The following SLC24A2 variants were observed in gnomAD, a reference collection of about 807,000 sequenced individuals.
SLC24A2 encodes solute carrier family 24 member 2, also known as sodium/potassium/calcium exchanger 2.
In SLC24A2, 36 loss-of-function variants were observed where a neutral mutation model predicts 62.0. That is an observed-to-expected ratio of 0.58 (90% CI 0.44 to 0.77). The LOEUF (loss-of-function observed/expected upper bound fraction) is 0.77. Ranked by LOEUF, SLC24A2 falls within the 30% of genes least tolerant of loss-of-function variation. The pLI, the probability that SLC24A2 is intolerant of heterozygous loss-of-function variation, is 0.00. For missense variants in SLC24A2, 846 were observed against 817.9 expected, an observed-to-expected ratio of 1.03 and a Z score of -0.42; for synonymous variants, 358 against 294.0, an observed-to-expected ratio of 1.22 and a Z score of -2.23.
At chr9:20,158,804 C>T in the SLC24A2 span, among the ~76,000 whole-genome samples, 1 of 151,438 alleles carries the variant, frequency 6.6e-6, no homozygotes, top group Non-Finnish European at 1.5e-5. Flanking sequence ...AGCAGCTGTG[C>T]ATATTTAAAC....
the SLC24A2 span, among the ~76,000 whole-genome samples, chr9:20,073,316 G>A: frequency 6.6e-6 from 1 of 152,144 alleles, no homozygotes; most frequent in Non-Finnish European, 1.5e-5. Context: ...ACCTCTAGAT[G>A]ATCTGTTTAA....
At chr9:20,141,453 A>G in the SLC24A2 span, among the ~76,000 whole-genome samples, 22 of 152,094 alleles carry the variant, frequency 1.4e-4, no homozygotes, top group African/African-American at 5.1e-4. Context: ...CTCTTGAGCT[A>G]CAACTCTCTT....
chr9:19,553,178 G>T (rs1402673923), intron 7 of SLC24A2, among the ~76,000 whole-genome samples: 2 of 152,178 alleles, frequency 1.3e-5, no homozygotes, highest in African/African-American at 4.8e-5. Flanking sequence ...TCAATGGGAG[G>T]CAGTTTGCAA....
the SLC24A2 span, among the ~76,000 whole-genome samples, chr9:20,120,317 A>T: frequency 6.6e-6 from 1 of 152,134 alleles, no homozygotes. Context: ...GATGCCCATA[A>T]ATGGTGGCCT....
the SLC24A2 span, among the ~76,000 whole-genome samples, chr9:20,191,325 G>T: frequency 3.3e-5 from 5 of 151,814 alleles, 1 homozygote; most frequent in African/African-American, 1.2e-4. Flanking sequence ...TATCTCAAAG[G>T]GTTTTGCACA....
chr9:19,919,690 G>C, the SLC24A2 span, among the ~76,000 whole-genome samples: 2 of 152,152 alleles, frequency 1.3e-5, no homozygotes, highest in Non-Finnish European at 2.9e-5. Context: ...GGGCTGGGGA[G>C]GCCTCAGGAA....
intron 2 of SLC24A2, among the ~76,000 whole-genome samples, chr9:19,678,301 C>T (rs1042200385): frequency 5.9e-5 from 9 of 152,224 alleles, no homozygotes; most frequent in African/African-American, 1.9e-4. Flanking sequence ...AGAACCTTCT[C>T]CTACATCTAT....
intron 2 of SLC24A2, among the ~76,000 whole-genome samples, chr9:19,639,507 C>G (rs914937492): frequency 6.6e-6 from 1 of 152,228 alleles, no homozygotes; most frequent in Non-Finnish European, 1.5e-5. Context: ...AGCTGCCCCC[C>G]ACCATGCCAG....
At chr9:19,617,062 G>T (rs1817787074) in intron 4 of SLC24A2, among the ~76,000 whole-genome samples, 2 of 152,128 alleles carry the variant, frequency 1.3e-5, no homozygotes, top group South Asian at 4.1e-4. Flanking sequence ...CGGTCCCCAA[G>T]CTTTTCTACA....
chr9:19,647,068 G>GCACACACACACA (rs142480390), intron 2 of SLC24A2, among the ~76,000 whole-genome samples: 68 of 80,048 alleles, frequency 8.5e-4, no homozygotes, highest in African/African-American at 1.6e-3. Context: ...ACACACGCGC[G>GCACACACACACA]CACACACACA....
the SLC24A2 span, among the ~76,000 whole-genome samples, chr9:19,935,006 G>T: frequency 6.6e-6 from 1 of 152,146 alleles, no homozygotes. Context: ...ATTTCTTTCT[G>T]TGGGGGCCCA....
chr9:20,063,335 C>T, the SLC24A2 span, among the ~76,000 whole-genome samples: 1 of 150,806 alleles, frequency 6.6e-6, no homozygotes, highest in South Asian at 2.1e-4. Context: ...AGTTCATGTC[C>T]TTTGTAGGGA....
the SLC24A2 span, among the ~76,000 whole-genome samples, chr9:19,963,418 A>C: frequency 6.6e-6 from 1 of 150,498 alleles, no homozygotes; most frequent in South Asian, 2.1e-4. Context: ...AACTACCATC[A>C]GAGTGAACAG....
At chr9:19,883,691 G>A in the SLC24A2 span, among the ~76,000 whole-genome samples, 6 of 151,822 alleles carry the variant, frequency 4.0e-5, no homozygotes, top group African/African-American at 1.5e-4. Flanking sequence ...TCGGCCTCCT[G>A]AGTAGCTGGG....
the SLC24A2 span, among the ~76,000 whole-genome samples, chr9:20,294,057 C>T: frequency 1.1e-4 from 16 of 152,194 alleles, no homozygotes; most frequent in South Asian, 2.1e-4. Context: ...ACCTCCACTG[C>T]GCCATCTTTT....
the SLC24A2 span, among the ~76,000 whole-genome samples, chr9:20,154,705 C>A: frequency 2.7e-5 from 4 of 150,752 alleles, no homozygotes; most frequent in African/African-American, 9.7e-5. Flanking sequence ...CTCCATGTAA[C>A]AGAATATAAG....
At chr9:19,553,402 GCAAAATGGTC>G (rs1834936529) in intron 7 of SLC24A2, among the ~76,000 whole-genome samples, 1 of 152,130 alleles carries the variant, frequency 6.6e-6, no homozygotes, top group Non-Finnish European at 1.5e-5. Flanking sequence ...ACAAAACAAA[GCAAAATGGTC>G]CAGAAAGGAT....
chr9:19,682,167 T>C (rs1309035167), intron 2 of SLC24A2, among the ~76,000 whole-genome samples: 24 of 152,184 alleles, frequency 1.6e-4, no homozygotes, highest in Non-Finnish European at 1.5e-5. Context: ...TTTCCAGAGC[T>C]AAGATTCTAA....
chr9:19,740,294 T>A (rs1319279764), intron 2 of SLC24A2, among the ~76,000 whole-genome samples: 1 of 152,224 alleles, frequency 6.6e-6, no homozygotes, highest in Admixed American at 6.5e-5. Flanking sequence ...CATAGTAGCA[T>A]TATTTGTAAT....
Sources: allele counts gnomAD v4.1 joint callset (sites outside exome capture counted in the v4.1 genomes callset), GRCh38; gene constraint gnomAD v4.1.1; transcripts MANE v1.5; gene names NCBI Gene and HGNC (gene_info 2026-07-23, HGNC 2026-07-21).